The following BARX2 variants were observed in gnomAD, a reference collection of about 807,000 sequenced individuals.
BARX2 encodes BARX homeobox 2, also known as homeobox protein BarH-like 2.
A neutral mutation model predicts 25.5 loss-of-function variants in BARX2; 11 were observed. That is an observed-to-expected ratio of 0.43 (90% confidence interval 0.27 to 0.71). BARX2 has a LOEUF of 0.71. Among genes scored for constraint, BARX2 ranks in the 30% least tolerant of loss-of-function variants. BARX2 has a pLI of 0.19. For missense variants in BARX2, 360 were observed against 359.9 expected (o/e 1.00, Z 0.00); for synonymous variants, 137 against 149.5 (o/e 0.92, Z 0.61).
Position 129,447,315 on chromosome 11 carries a change from G to A in BARX2, c.574-3821G>A, listed in dbSNP as rs79345165. 4.5e-3 allele frequency among the ~76,000 whole-genome samples: 679 copies of A among 152,300 alleles called. 1 individual carries two copies. Among genetic ancestry groups the A allele is most frequent in the Non-Finnish European group, 8.0e-3 (546 of 68,022 alleles). On this transcript the variant is annotated intron_variant, in intron 3 of 3. Coordinates refer to ENST00000281437, the MANE Select transcript of BARX2 (RefSeq NM_003658.5). ...GAATACCTCGTTGCAGAGTTTGGAGGAGGGCTGTCACCAGGCACGGCTAAT... is the reference window on the plus strand; with the variant it reads ...GAATACCTCGTTGCAGAGTTTGGAGAAGGGCTGTCACCAGGCACGGCTAAT...
intron 1 of BARX2, among the ~76,000 whole-genome samples, chr11:129,403,779 G>C (rs1861801256): frequency 6.6e-6 from 1 of 152,122 alleles, no homozygotes; most frequent in Non-Finnish European, 1.5e-5. Flanking sequence ...GGAGTACAGT[G>C]GTGTGATCAT....
Position 129,451,120 on chromosome 11 carries a change from T to A in BARX2, c.574-16T>A, listed in dbSNP as rs773205348. On this transcript the variant is annotated splice_polypyrimidine_tract_variant and intron_variant, in intron 3 of 3. Coordinates refer to ENST00000281437, the MANE Select transcript of BARX2 (RefSeq NM_003658.5). Reference sequence around the variant, plus strand: ...AATTATTTCTTAGATTCAATAACAATTTTTTACTCACGTAGGTTCTTAAAG... The same window carrying A: ...AATTATTTCTTAGATTCAATAACAAATTTTTACTCACGTAGGTTCTTAAAG... 6.2e-7 allele frequency: 1 copy of A among 1,604,672 alleles called. No individual in the cohort carries two copies. The highest frequency in any genetic ancestry group is 8.5e-7 in the Non-Finnish European group (1 of 1,173,654).
At chr11:129,397,280 CAA>C (rs35729336) in intron 1 of BARX2, among the ~76,000 whole-genome samples, 53 of 111,106 alleles carry the variant, frequency 4.8e-4, no homozygotes, top group Admixed American at 6.5e-4. Flanking sequence ...ACCCTGTCTC[CAA>C]AAAAAAAAAA....
rs200866072 is a variant in BARX2 at position 129,376,090 on chromosome 11, A to G, written c.55A>G (p.Arg19Gly). 444 of 1,611,270 alleles carry G rather than the reference A, an allele frequency of 2.8e-4. 1 individual carries two copies. The highest frequency in any genetic ancestry group is 3.4e-4 in the Non-Finnish European group (400 of 1,178,944). ...CTCGCCCGGCCAGCTCAAAGCAGCC[A>G]GGCGGCGCTACAAGACTTTCATGAT... ...LSSPGQLKAA[R>G]RRYKTFMIDE... is the part of the protein sequence containing the mutation. Residue 19 changes from arginine (R) to glycine (G), a missense_variant, in exon 1 of 4, where the codon AGG becomes GGG. By Grantham distance (125) the Arg-to-Gly change is moderately radical. This residue lies in a region of BARX2 where 240 missense variants were observed against 228.7 expected (regional missense o/e 1.05). Transcript: ENST00000281437. The surrounding 1 kb of genome is among the most constrained non-coding windows in gnomAD (Gnocchi z 4.2).
rs545793525 is a variant in BARX2 at position 129,427,350 on chromosome 11, C to A, written c.188-9401C>A. Among the ~76,000 whole-genome samples, 7 of 152,186 alleles carry A rather than the reference C, an allele frequency of 4.6e-5. No individual in the cohort carries two copies. In the East Asian group the frequency reaches 1.4e-3, roughly 29 times the overall value. The stretch of plus-strand genomic sequence containing the variant: ...CAAACTACCAGCCAGTTGGTAGGAA[C>A]GGGAGCTTAGGGGAATACTTCGGTG... On this transcript the variant is annotated intron_variant, in intron 1 of 3. Coordinates refer to ENST00000281437, the MANE Select transcript of BARX2 (RefSeq NM_003658.5).
intron 1 of BARX2, among the ~76,000 whole-genome samples, chr11:129,401,451 A>C (rs1252786711): frequency 3.3e-5 from 5 of 152,208 alleles, no homozygotes; most frequent in Non-Finnish European, 5.9e-5. Flanking sequence ...ATTTTTTAAA[A>C]ATTTTAGACT....
rs771024902 is a variant in BARX2, at chr11:129,442,674, T to TGGAAG, written c.489-159_489-155dup. 78 of 707,426 alleles carry TGGAAG rather than the reference T, an allele frequency of 1.1e-4. No homozygotes were observed. The African/African-American group carries it at 1.3e-3, about 11-fold the overall frequency. The allele number at this position is 707,426 out of a possible 1,614,324, so 43.8% of individuals were successfully genotyped here. Reference sequence around the variant, plus strand: ...CCCAGAGTTTCCTCTGTTGGATTCTTGGAAGGAAAGAAAAGCGCTTTGGGG... The same window carrying TGGAAG: ...CCCAGAGTTTCCTCTGTTGGATTCTTGGAAGGGAAGGAAAGAAAAGCGCTTTGGGG... On this transcript the variant is annotated intron_variant, in intron 2 of 3. Transcript: ENST00000281437.
At chr11:129,440,784 G>T (rs909426227) in intron 2 of BARX2, among the ~76,000 whole-genome samples, 6 of 152,174 alleles carry the variant, frequency 3.9e-5, no homozygotes, top group Non-Finnish European at 1.5e-5. Context: ...CTGATAGTTA[G>T]ATCTCCCCAG....
chr11:129,438,612 G>C (rs545706842), intron 2 of BARX2, among the ~76,000 whole-genome samples: 21 of 152,194 alleles, frequency 1.4e-4, no homozygotes, highest in Non-Finnish European at 2.2e-4. Flanking sequence ...AGGGAATTTA[G>C]CTTCTGATTC....
chr11:129,404,439 A>T (rs766257915), intron 1 of BARX2, among the ~76,000 whole-genome samples: 47 of 152,226 alleles, frequency 3.1e-4, no homozygotes, highest in Non-Finnish European at 7.3e-5. Context: ...GAAAGAAAAC[A>T]CAAGGGCATC....
intron 1 of BARX2, among the ~76,000 whole-genome samples, chr11:129,424,761 C>T (rs945741225): frequency 6.6e-6 from 1 of 152,168 alleles, no homozygotes; most frequent in Non-Finnish European, 1.5e-5. Context: ...GACAGTGAAC[C>T]AGAGGATTCC....
At chr11:129,445,269 C>T (rs1267756589) in intron 3 of BARX2, among the ~76,000 whole-genome samples, 1 of 152,168 alleles carries the variant, frequency 6.6e-6, no homozygotes, top group Non-Finnish European at 1.5e-5. Flanking sequence ...CCTTCTTCCT[C>T]GTCAGTCATC....
intron 1 of BARX2, among the ~76,000 whole-genome samples, chr11:129,424,613 C>T (rs1186259574): frequency 6.6e-6 from 1 of 152,192 alleles, no homozygotes; most frequent in African/African-American, 2.4e-5. Flanking sequence ...CAGCCTTTGC[C>T]ACATGTTTCT....
intron 3 of BARX2, among the ~76,000 whole-genome samples, chr11:129,447,352 G>A (rs1862343039): frequency 6.6e-6 from 1 of 152,192 alleles, no homozygotes; most frequent in Non-Finnish European, 1.5e-5. Context: ...AAAGTGGATG[G>A]TGTCCTAGGT....
chr11:129,382,458 C>T (rs999129883), intron 1 of BARX2, among the ~76,000 whole-genome samples: 6 of 152,126 alleles, frequency 3.9e-5, no homozygotes, highest in Admixed American at 3.9e-4. Context: ...GGATTACAGG[C>T]GTGAGCCACT....
intron 1 of BARX2, among the ~76,000 whole-genome samples, chr11:129,402,686 C>T (rs1861789768): frequency 6.6e-6 from 1 of 152,204 alleles, no homozygotes; most frequent in South Asian, 2.1e-4. Context: ...CTTCAGTGGT[C>T]AGAGGATTAA....
At chr11:129,385,840 C>A (rs569463647) in intron 1 of BARX2, among the ~76,000 whole-genome samples, 1 of 152,278 alleles carries the variant, frequency 6.6e-6, no homozygotes, top group East Asian at 1.9e-4. Flanking sequence ...GCACAAGAGA[C>A]CGCACATGTC....
chr11:129,377,399 G>A (rs1371574476), intron 1 of BARX2, among the ~76,000 whole-genome samples: 1 of 152,120 alleles, frequency 6.6e-6, no homozygotes, highest in Non-Finnish European at 1.5e-5. Context: ...AAACCAAATT[G>A]TTCCTACATG....
Position 129,376,271 on chromosome 11 carries a change from C to A in BARX2, c.187+49C>A, listed in dbSNP as rs747168532. On this transcript the variant is annotated intron_variant, in intron 1 of 3. Transcript: ENST00000281437. This position sits in a 1 kb window ranked among gnomAD's most constrained non-coding sequence, Gnocchi z 4.2. ...AGTGGGGTTCGGTAGCTTTCACGTC[C>A]GTGTAGGTGGCCTGTGCTTTGCGAT... 6.6e-7 allele frequency: 1 copy of A among 1,518,406 alleles called. No individual in the cohort carries two copies. The highest frequency in any genetic ancestry group is 1.4e-5 in the African/African-American group (1 of 70,470). The allele number at this position is 1,518,406 out of a possible 1,614,324, so 94.1% of individuals were successfully genotyped here.
Sources: allele counts gnomAD v4.1 joint callset (sites outside exome capture counted in the v4.1 genomes callset), GRCh38; gene constraint gnomAD v4.1.1; regional missense constraint gnomAD v4.1.1; non-coding constraint Gnocchi (gnomAD v3.1); transcripts MANE v1.5; gene names NCBI Gene and HGNC (gene_info 2026-07-23, HGNC 2026-07-21).